POLM: variants seen among roughly 807,000 people sequenced by gnomAD.
The protein encoded by POLM is DNA polymerase mu.
A neutral mutation model predicts 56.7 loss-of-function variants in POLM; 52 were observed. The observed-to-expected ratio is 0.92, with a 90% CI of 0.73 to 1.15. The LOEUF is 1.15. POLM is among the 50% of genes most tolerant of loss of function. The pLI is 0.00. For missense variants in POLM, 660 were observed against 663.6 expected (o/e 0.99, Z 0.06); for synonymous variants, 273 against 274.3 (o/e 1.00, Z 0.05).
At chr7:44,082,170 G>A in intron 1 of POLM, 81 bp downstream of exon 1, 1 of 1,219,638 alleles carries the variant, frequency 8.2e-7, no homozygotes, top group Non-Finnish European at 1.1e-6. Flanking sequence ...AAGGTCACAA[G>A]ACCACGAAGT....
Position 44,072,720 on chromosome 7 carries a change from T to C in POLM, c.*571A>G, listed in dbSNP as rs953549943. The stretch of plus-strand genomic sequence containing the variant: ...GGGGCGCTGCAGTACTGAAGCCCCA[T>C]AGTTGAAAATTATCTTCCTCCCAGC... On this transcript the variant is annotated 3_prime_UTR_variant, in exon 11 of 11. Transcript: ENST00000242248. The C allele has an allele frequency of 1.0e-5, 2 of 200,446 alleles. No individual in the cohort carries two copies. Among genetic ancestry groups the C allele is most frequent in the African/African-American group, 2.3e-5 (1 of 43,080 alleles). 12.4% of individuals were successfully genotyped at this position (200,446 alleles called of 1,614,324 possible). A position where few individuals can be genotyped will look rare whatever the true frequency, so the allele number is the denominator to read the frequency against.
At chr7:44,081,316 C>T (rs28382631) in intron 1 of POLM, among the ~76,000 whole-genome samples, 47 of 152,344 alleles carry the variant, frequency 3.1e-4, no homozygotes, top group African/African-American at 1.1e-3. Flanking sequence ...TTGGGCAAGC[C>T]ACGTGTCTAT....
chr7:44,077,146 A>G (rs535695808), intron 5 of POLM: 4 of 152,998 alleles, frequency 2.6e-5, no homozygotes, highest in African/African-American at 7.2e-5. Context: ...GCTTCAGGTC[A>G]GCCACTAGAG....
In POLM at chr7:44,073,991, C is replaced by A. The variant is rs367601141; in HGVS notation, c.1106G>T (p.Cys369Phe). ...LILYHQHQHS[C>F]CESPTRLAQQ... ...GGCCAGGCGGGTAGGGGACTCACAGCAGCTGTGCTGGTGCTGGTGGTACAG... is the reference window on the plus strand; with the variant it reads ...GGCCAGGCGGGTAGGGGACTCACAGAAGCTGTGCTGGTGCTGGTGGTACAG... Residue 369 changes from cysteine to phenylalanine, a missense_variant, in exon 9 of 11, where the codon TGC (cysteine) becomes TTC (phenylalanine). Cys to Phe is a radical substitution (Grantham distance 205, BLOSUM62 -2). Coordinates refer to ENST00000242248, the MANE Select transcript of POLM (RefSeq NM_013284.4). The A allele has an allele frequency of 1.2e-6, 2 of 1,613,996 alleles. No homozygotes were observed. Among genetic ancestry groups the A allele is most frequent in the Admixed American group, 1.7e-5 (1 of 60,006 alleles).
chr7:44,076,322 T>A (rs997208780), intron 6 of POLM, 187 bp downstream of exon 6: 1 of 615,984 alleles, frequency 1.6e-6, no homozygotes, highest in African/African-American at 1.8e-5. Context: ...GTGGTCAGCA[T>A]CGTCCACTGA....
intron 6 of POLM, chr7:44,075,775 A>G (rs1165590334): frequency 1.4e-5 from 2 of 142,272 alleles, no homozygotes; most frequent in Non-Finnish European, 3.0e-5. Flanking sequence ...GCTGGAGTGC[A>G]GTGGCTCAAT....
At position 44,073,366 on chromosome 7, in the gene POLM, GA is replaced by G. The variant is rs556160420; in HGVS notation, c.1409del (p.Phe470SerfsTer102). The G allele has an allele frequency of 2.0e-4, 318 of 1,613,672 alleles. No individual in the cohort carries two copies. Among genetic ancestry groups the G allele is most frequent in the Non-Finnish European group, 2.5e-4 (297 of 1,179,926 alleles). ...AGATGTCTTCCTCTGAAGCCGCTTG[GA>G]AAAATGTCTTCTGCAACAGAAGCAG... ...GLFDPEQKTF[F>X]QAASEEDIFR... is the part of the protein sequence containing the mutation. On this transcript the variant is annotated frameshift_variant, in exon 11 of 11. Coordinates refer to ENST00000242248, the MANE Select transcript of POLM (RefSeq NM_013284.4). LOFTEE classifies it high-confidence loss of function.
At chr7:44,080,438 T>C (rs28382637) in intron 2 of POLM, 45,114 of 600,586 alleles carry the variant, frequency 0.075, 2,091 homozygotes, top group Non-Finnish European at 0.093. Context: ...CCGCTCGGAG[T>C]TGCTGTGTCA....
chr7:44,074,078 G>C, intron 8 of POLM, 53 bp from the exon 9 acceptor site: 1 of 1,607,982 alleles, frequency 6.2e-7, no homozygotes, highest in Non-Finnish European at 8.5e-7. Flanking sequence ...GGAGAGAGCA[G>C]GAGGCAGTGG....
chr7:44,079,192 G>A (rs1562671569), intron 4 of POLM, among the ~76,000 whole-genome samples: 1 of 152,230 alleles, frequency 6.6e-6, no homozygotes, highest in Non-Finnish European at 1.5e-5. Context: ...CTGTCACTGT[G>A]TATTCTTGCA....
At position 44,082,518 on chromosome 7, in the gene POLM, G is replaced by A. The variant is rs1296135227; in HGVS notation, c.-80C>T. 8 of 601,760 alleles carry A rather than the reference G, an allele frequency of 1.3e-5. No homozygotes were observed. Among genetic ancestry groups the A allele is most frequent in the African/African-American group, 1.9e-5 (1 of 51,424 alleles). 37.3% of individuals were successfully genotyped at this position (601,760 alleles called of 1,614,324 possible). On this transcript the variant is annotated 5_prime_UTR_variant, in exon 1 of 11. Coordinates refer to ENST00000242248, the MANE Select transcript of POLM (RefSeq NM_013284.4). Reference sequence around the variant, plus strand: ...GACGGAAGGAAGCCCCAGTGAGGCTGACGGAAGCGGGTGGGCGGGCGGGCG... The same window carrying A: ...GACGGAAGGAAGCCCCAGTGAGGCTAACGGAAGCGGGTGGGCGGGCGGGCG...
At chr7:44,080,959 G>C (rs755751675) in intron 1 of POLM, 43 bp from the exon 2 acceptor site, 2 of 1,504,132 alleles carry the variant, frequency 1.3e-6, no homozygotes, top group South Asian at 2.6e-5. Context: ...GTGAGGCCCA[G>C]AGCCCGTCCT....
intron 5 of POLM, 177 bp from the exon 6 acceptor site, chr7:44,076,806 C>G (rs934863420): frequency 7.0e-6 from 5 of 709,366 alleles, no homozygotes; most frequent in African/African-American, 5.4e-5. Flanking sequence ...GACTACCCAG[C>G]CTGCCGTCTC....
chr7:44,081,720 C>A (rs984867529), intron 1 of POLM, among the ~76,000 whole-genome samples: 3 of 150,496 alleles, frequency 2.0e-5, no homozygotes, highest in African/African-American at 7.4e-5. Flanking sequence ...ATAGCCCAGG[C>A]AGAAGGGCTG....
Position 44,079,963 on chromosome 7 carries a change from G to C in POLM, c.373-4C>G, listed in dbSNP as rs1562672573. 1 of 1,600,106 alleles carries C rather than the reference G, an allele frequency of 6.2e-7. No individual in the cohort carries two copies. On this transcript the variant is annotated splice_polypyrimidine_tract_variant and splice_region_variant and intron_variant, in intron 2 of 10. Transcript: ENST00000242248. ...GCCCCTTCCTTGGCCCAGCCACCTG[G>C]GGATGGGCAATAAACAGGTCACTGT... is the stretch of plus-strand genomic sequence containing the variant.
chr7:44,073,885 T>TG lies in POLM; in HGVS notation c.1211_1212insC (p.Ser405IlefsTer59). 6.2e-7 allele frequency: 1 copy of TG among 1,613,966 alleles called. No individual in the cohort carries two copies. The highest frequency in any genetic ancestry group is 2.2e-5 in the East Asian group (1 of 44,874). ...TCCAGGATGGGCAGGGCCTCGTGGATCCCCCCACAGCAGCCCCTGGAGGTT... is the reference window on the plus strand; with the variant it reads ...TCCAGGATGGGCAGGGCCTCGTGGATGCCCCCCACAGCAGCCCCTGGAGGTT... On this transcript the variant is annotated frameshift_variant, in exon 9 of 11. Transcript: ENST00000242248. LOFTEE classifies it high-confidence loss of function.
intron 6 of POLM, 66 bp downstream of exon 6, chr7:44,076,443 T>C (rs893168702): frequency 1.2e-6 from 2 of 1,600,758 alleles, no homozygotes; most frequent in Admixed American, 1.7e-5. Flanking sequence ...CTCTAGGGAG[T>C]TGATGCTGAG....
intron 2 of POLM, 34 bp downstream of exon 2, chr7:44,080,699 T>C (rs1358559282): frequency 3.1e-6 from 5 of 1,598,322 alleles, no homozygotes; most frequent in Non-Finnish European, 4.3e-6. Flanking sequence ...GGGCTTTCAC[T>C]GTAGCCCCCA....
chr7:44,073,699 G>T lies in POLM; in HGVS notation c.1324C>A (p.Arg442=), dbSNP rs368970693. The T allele has an allele frequency of 6.2e-6, 10 of 1,614,044 alleles. No individual in the cohort carries two copies. The African/African-American group carries it at 9.3e-5, about 15-fold the overall frequency. Residue 442 remains arginine (R), a synonymous_variant, in exon 10 of 11, where the codon CGG becomes AGG. Transcript: ENST00000242248. Reference sequence around the variant, plus strand: ...TTCCGGCTGAAGCGGCGCAGCTCCCGCTGGAAAAGCTGTAGGGAAGGGATT... The same window carrying T: ...TTCCGGCTGAAGCGGCGCAGCTCCCTCTGGAAAAGCTGTAGGGAAGGGATT... ...LGWTGSKLFQ[R]ELRRFSRKEK...
Sources: allele counts gnomAD v4.1 joint callset (sites outside exome capture counted in the v4.1 genomes callset), GRCh38; gene constraint gnomAD v4.1.1; transcripts MANE v1.5; gene names NCBI Gene and HGNC (gene_info 2026-07-23, HGNC 2026-07-21).